The following ADAMTSL3 variants were observed in gnomAD, a reference collection of about 807,000 sequenced individuals.
ADAMTSL3 encodes ADAMTS-like protein 3.
Under a neutral mutation model 201.7 loss-of-function variants are expected in ADAMTSL3, and 128 were observed. The observed-to-expected ratio is 0.63, with a 90% CI of 0.55 to 0.73. The LOEUF is 0.73. Among genes scored for constraint, ADAMTSL3 ranks in the 30% least tolerant of loss-of-function variants. The pLI is 0.00. For missense variants in ADAMTSL3, 1,990 were observed against 2,119.6 expected (o/e 0.94, Z 1.20); for synonymous variants, 738 against 748.4 (o/e 0.99, Z 0.23).
intron 5 of ADAMTSL3, among the ~76,000 whole-genome samples, chr15:83,808,933 A>G (rs1382549619): frequency 2.7e-5 from 4 of 150,206 alleles, no homozygotes; most frequent in African/African-American, 4.9e-5. Context: ...AAAAAAAAAC[A>G]ACTTGATATC....
intron 23 of ADAMTSL3, among the ~76,000 whole-genome samples, chr15:84,005,655 A>G (rs1189833419): frequency 6.6e-6 from 1 of 152,250 alleles, no homozygotes; most frequent in Non-Finnish European, 1.5e-5. Context: ...CGCGCAAAGC[A>G]GAAGCCCAGG....
intron 3 of ADAMTSL3, among the ~76,000 whole-genome samples, chr15:83,759,176 T>C (rs553983213): frequency 6.6e-6 from 1 of 152,330 alleles, no homozygotes; most frequent in South Asian, 2.1e-4. Flanking sequence ...TAAACTCATG[T>C]GTACCCATAC....
At chr15:84,031,134 G>C (rs1407745509) in intron 27 of ADAMTSL3, among the ~76,000 whole-genome samples, 1 of 152,124 alleles carries the variant, frequency 6.6e-6, no homozygotes, top group Non-Finnish European at 1.5e-5. Flanking sequence ...GGTAAGCTTA[G>C]GCAGTTTCTT....
rs561550096 is a variant in ADAMTSL3, at chr15:83,868,217, G to A, written c.803-2585G>A. 2.2e-4 allele frequency among the ~76,000 whole-genome samples: 34 copies of A among 152,256 alleles called. No homozygotes were observed. In the Middle Eastern group the frequency reaches 0.014, roughly 61 times the overall value. On this transcript the variant is annotated intron_variant, in intron 8 of 29. Transcript: ENST00000286744. ...AGGGTCAGTGAAACCTCTGAGAACC[G>A]AAGGGCTTGTGCATGCAGCTCTCAC... is the stretch of plus-strand genomic sequence containing the variant.
At chr15:83,868,993 C>A (rs1407725686) in intron 8 of ADAMTSL3, among the ~76,000 whole-genome samples, 1 of 152,166 alleles carries the variant, frequency 6.6e-6, no homozygotes, top group African/African-American at 2.4e-5. Flanking sequence ...GCATCCCGAT[C>A]TGCAACTTGG....
intron 23 of ADAMTSL3, among the ~76,000 whole-genome samples, chr15:83,994,116 G>A (rs970384417): frequency 6.6e-6 from 1 of 152,218 alleles, no homozygotes; most frequent in Non-Finnish European, 1.5e-5. Context: ...AAGGGCACTG[G>A]CAAAGCCATC....
intron 19 of ADAMTSL3, among the ~76,000 whole-genome samples, chr15:83,954,906 C>T (rs1014576806): frequency 6.6e-6 from 1 of 152,220 alleles, no homozygotes; most frequent in East Asian, 1.9e-4. Flanking sequence ...GATGCAAGCA[C>T]CCCTATGGCC....
intron 4 of ADAMTSL3, among the ~76,000 whole-genome samples, chr15:83,785,870 G>A (rs925716732): frequency 6.6e-5 from 10 of 150,952 alleles, no homozygotes; most frequent in Non-Finnish European, 1.5e-5. Flanking sequence ...TTTTGAGACA[G>A]TCTCACTCTG....
intron 2 of ADAMTSL3, among the ~76,000 whole-genome samples, chr15:83,698,474 T>C (rs2141482340): frequency 6.6e-6 from 1 of 152,306 alleles, no homozygotes; most frequent in East Asian, 1.9e-4. Flanking sequence ...GTGGAGATGA[T>C]GCATTTTGGC....
chr15:83,971,973 C>T lies in ADAMTSL3; in HGVS notation c.2644+1336C>T, dbSNP rs189284369. On this transcript the variant is annotated intron_variant, in intron 20 of 29. Transcript: ENST00000286744. ...AAACTTCAATTTACCAACACCTTTC[C>T]TGGAGAAACTCACAAAACAAAATAA... Among the ~76,000 whole-genome samples, 95 of 150,152 alleles carry T rather than the reference C, an allele frequency of 6.3e-4. 1 individual carries two copies. The highest frequency in any genetic ancestry group is 3.5e-3 in the Middle Eastern group (1 of 288).
intron 3 of ADAMTSL3, among the ~76,000 whole-genome samples, chr15:83,762,891 C>CT (rs11352885): frequency 4.0e-4 from 58 of 143,552 alleles, no homozygotes; most frequent in Middle Eastern, 3.7e-3. Context: ...TGATTTACTT[C>CT]TTTTTTTTTT....
intron 7 of ADAMTSL3, among the ~76,000 whole-genome samples, chr15:83,850,183 C>T (rs2064581346): frequency 1.3e-5 from 2 of 152,154 alleles, no homozygotes; most frequent in African/African-American, 4.8e-5. Flanking sequence ...TGCTTCCTCC[C>T]GCTACGGAGG....
intron 23 of ADAMTSL3, among the ~76,000 whole-genome samples, chr15:84,005,417 A>G (rs1376950771): frequency 6.6e-6 from 1 of 152,170 alleles, no homozygotes; most frequent in Non-Finnish European, 1.5e-5. Flanking sequence ...CTTTACTGGA[A>G]TCAGTAGTTT....
chr15:83,985,941 T>C (rs1207669507), intron 21 of ADAMTSL3, among the ~76,000 whole-genome samples: 1 of 152,098 alleles, frequency 6.6e-6, no homozygotes, highest in Non-Finnish European at 1.5e-5. Context: ...TTAAGGACAT[T>C]CTTAAGGGAA....
intron 19 of ADAMTSL3, among the ~76,000 whole-genome samples, chr15:83,948,804 T>C (rs1596456165): frequency 1.3e-5 from 2 of 152,142 alleles, no homozygotes; most frequent in East Asian, 3.9e-4. Context: ...TATTATGTGT[T>C]ATTAATTATG....
intron 3 of ADAMTSL3, among the ~76,000 whole-genome samples, chr15:83,756,321 T>C (rs1341887673): frequency 1.3e-5 from 2 of 152,154 alleles, no homozygotes; most frequent in Non-Finnish European, 2.9e-5. Flanking sequence ...GTTCCACATG[T>C]CTGGGGAGGC....
At chr15:83,858,892 C>A in intron 8 of ADAMTSL3, 52 bp downstream of exon 8, 4 of 1,475,610 alleles carry the variant, frequency 2.7e-6, no homozygotes, top group African/African-American at 1.4e-5. Flanking sequence ...GTTTAGTTAG[C>A]CAAAAAAAAC....
intron 3 of ADAMTSL3, among the ~76,000 whole-genome samples, chr15:83,711,990 C>T (rs1457935027): frequency 6.6e-6 from 1 of 152,128 alleles, no homozygotes; most frequent in Non-Finnish European, 1.5e-5. Context: ...CCTCACTACC[C>T]TTAAGAACAC....
chr15:83,981,499 T>C (rs1398732958), intron 20 of ADAMTSL3, among the ~76,000 whole-genome samples: 1 of 152,238 alleles, frequency 6.6e-6, no homozygotes, highest in Non-Finnish European at 1.5e-5. Flanking sequence ...TAATTTTTAC[T>C]TCCCTCCCAT....
Sources: gnomAD v4.1 joint callset for allele counts (sites outside exome capture counted in the v4.1 genomes callset) on GRCh38, gnomAD v4.1.1 for gene constraint, MANE v1.5 for transcripts, NCBI Gene and HGNC (gene_info 2026-07-23, HGNC 2026-07-21) for gene names.